The following SCAPER variants were observed in gnomAD, a reference collection of about 807,000 sequenced individuals.
SCAPER encodes S phase cyclin A-associated protein in the endoplasmic reticulum.
Under a neutral mutation model 182.2 loss-of-function variants are expected in SCAPER, and 98 were observed. That is an observed-to-expected ratio of 0.54 (90% CI 0.46 to 0.64). SCAPER has a LOEUF of 0.64. Among genes scored for constraint, SCAPER ranks in the 30% least tolerant of loss-of-function variants. The pLI, the probability that SCAPER is intolerant of heterozygous loss-of-function variation, is 0.00. For missense variants in SCAPER, 1,432 were observed against 1,690.0 expected (o/e 0.85, Z 2.68); for synonymous variants, 605 against 564.6 (o/e 1.07, Z -1.01).
Position 76,679,727 on chromosome 15 carries a change from C to A in SCAPER, c.2509-13938G>T, listed in dbSNP as rs563039394. ...GTTCACCATCTGTCCCCTCACCACT[C>A]AGTGACAATTACAAATACTCCATCA... is the stretch of plus-strand genomic sequence containing the variant. On this transcript the variant is annotated intron_variant, in intron 20 of 31. Transcript: ENST00000563290. 5.3e-5 allele frequency among the ~76,000 whole-genome samples: 8 copies of A among 150,744 alleles called. 1 individual carries two copies. In the South Asian group the frequency reaches 1.7e-3, roughly 32 times the overall value.
At chr15:76,661,429 A>G (rs2056154525) in intron 21 of SCAPER, among the ~76,000 whole-genome samples, 1 of 152,350 alleles carries the variant, frequency 6.6e-6, no homozygotes, top group East Asian at 1.9e-4. Context: ...CAATCTACCC[A>G]TCTGACAAAG....
intron 26 of SCAPER, among the ~76,000 whole-genome samples, chr15:76,428,387 G>A (rs2046588000): frequency 6.6e-6 from 1 of 152,152 alleles, no homozygotes; most frequent in Non-Finnish European, 1.5e-5. Context: ...GACAAAGTGT[G>A]TTATACACAC....
intron 25 of SCAPER, among the ~76,000 whole-genome samples, chr15:76,461,067 G>T (rs1017419733): frequency 2.0e-5 from 3 of 152,000 alleles, no homozygotes; most frequent in African/African-American, 7.2e-5. Flanking sequence ...ATGTTTTTCA[G>T]TCTTTATATT....
chr15:76,461,330 C>CT lies in SCAPER; in HGVS notation c.3078+9881dup, dbSNP rs58709477. Among the ~76,000 whole-genome samples, 350 of 143,220 alleles carry CT rather than the reference C, an allele frequency of 2.4e-3. 2 individuals are homozygous for CT. The highest frequency in any genetic ancestry group is 4.7e-3 in the African/African-American group (183 of 38,762). The allele number at this position is 143,220 out of a possible 152,430, so 94.0% of individuals were successfully genotyped here. A position where few individuals can be genotyped will look rare whatever the true frequency, so the allele number is the denominator to read the frequency against. ...TCACTGTGAAGTTACTATTACCCAA[C>CT]TTTTTTTTTTTTTTTACAAAAAAGA... On this transcript the variant is annotated intron_variant, in intron 25 of 31. Coordinates refer to ENST00000563290, the MANE Select transcript of SCAPER (RefSeq NM_020843.4).
chr15:76,637,650 G>C (rs2053714979), intron 21 of SCAPER, among the ~76,000 whole-genome samples: 1 of 150,864 alleles, frequency 6.6e-6, no homozygotes, highest in East Asian at 1.9e-4. Flanking sequence ...AGATTACAGT[G>C]AACTATGATG....
chr15:76,354,102 C>CT lies in SCAPER; in HGVS notation c.3893dup (p.Lys1299GlufsTer12). 1 of 1,610,340 alleles carries CT rather than the reference C, an allele frequency of 6.2e-7. No individual in the cohort carries two copies. Among genetic ancestry groups the CT allele is most frequent in the Non-Finnish European group, 8.5e-7 (1 of 1,178,736 alleles). The stretch of plus-strand genomic sequence containing the variant: ...ACTGGAAGGGCAACTGGCAGAGCTT[C>CT]TGCAGCACTGTGGGGTGGCGGCCGG... On this transcript the variant is annotated frameshift_variant, in exon 30 of 32. Transcript: ENST00000563290. LOFTEE classifies it high-confidence loss of function. This position sits in a 1 kb window ranked among gnomAD's most constrained non-coding sequence, Gnocchi z 4.4.
chr15:76,894,288 T>C (rs964620648), intron 1 of SCAPER, among the ~76,000 whole-genome samples: 2 of 151,522 alleles, frequency 1.3e-5, no homozygotes, highest in Admixed American at 1.3e-4. Flanking sequence ...CAGCCTCACA[T>C]GATGTGAACA....
intron 25 of SCAPER, among the ~76,000 whole-genome samples, chr15:76,461,263 T>A (rs946149520): frequency 1.3e-5 from 2 of 152,070 alleles, no homozygotes; most frequent in East Asian, 1.9e-4. Flanking sequence ...AGTAGTGATG[T>A]TAGTTTTGAT....
chr15:76,572,039 C>G (rs987998298), intron 23 of SCAPER, among the ~76,000 whole-genome samples: 1 of 152,148 alleles, frequency 6.6e-6, no homozygotes, highest in African/African-American at 2.4e-5. Context: ...CAGCAAGTTT[C>G]TGACACAGAC....
At chr15:76,397,202 T>C (rs1232074459) in intron 27 of SCAPER, among the ~76,000 whole-genome samples, 1 of 152,156 alleles carries the variant, frequency 6.6e-6, no homozygotes, top group Non-Finnish European at 1.5e-5. Flanking sequence ...ATGAATGATC[T>C]TTTTTGCTGA....
intron 2 of SCAPER, among the ~76,000 whole-genome samples, chr15:76,871,815 T>C (rs950921195): frequency 6.6e-6 from 1 of 151,966 alleles, no homozygotes; most frequent in African/African-American, 2.4e-5. Flanking sequence ...GGTCTCAAAC[T>C]CCTGACCTCA....
intron 4 of SCAPER, among the ~76,000 whole-genome samples, chr15:76,852,279 T>C (rs980978915): frequency 1.3e-5 from 2 of 152,144 alleles, no homozygotes; most frequent in East Asian, 1.9e-4. Flanking sequence ...TGTTAGATCG[T>C]CAAGACAGAA....
intron 1 of SCAPER, among the ~76,000 whole-genome samples, chr15:76,896,698 C>T (rs924080426): frequency 5.9e-5 from 9 of 151,980 alleles, no homozygotes; most frequent in South Asian, 2.1e-4. Context: ...GCAGGCAGAC[C>T]GCCTTGAGTC....
intron 1 of SCAPER, among the ~76,000 whole-genome samples, chr15:76,901,926 A>G (rs974973450): frequency 6.6e-6 from 1 of 152,088 alleles, no homozygotes; most frequent in Non-Finnish European, 1.5e-5. Flanking sequence ...TCACCGTGTT[A>G]GCCAGGATGG....
At chr15:76,800,162 T>TTTTTTTTTTTTTTTG (rs1555610080) in intron 7 of SCAPER, 86 bp downstream of exon 7, 1 of 733,232 alleles carries the variant, frequency 1.4e-6, no homozygotes, top group Admixed American at 2.6e-5. Flanking sequence ...GATATTTTTA[T>TTTTTTTTTTTTTTTG]AGTAGAATAT....
At chr15:76,369,472 C>A (rs1438080437) in intron 29 of SCAPER, among the ~76,000 whole-genome samples, 1 of 152,192 alleles carries the variant, frequency 6.6e-6, no homozygotes, top group Non-Finnish European at 1.5e-5. Context: ...CTGGGCTCTG[C>A]CAATTCTCGC....
At chr15:76,650,750 C>T (rs1241238400) in intron 21 of SCAPER, among the ~76,000 whole-genome samples, 1 of 151,938 alleles carries the variant, frequency 6.6e-6, no homozygotes, top group Non-Finnish European at 1.5e-5. Context: ...GCAATATTGT[C>T]CAAGGCAGAC....
At chr15:76,692,928 T>C (rs11072616) in intron 20 of SCAPER, among the ~76,000 whole-genome samples, 50,289 of 151,722 alleles carry the variant, frequency 0.33, 8,591 homozygotes, top group East Asian at 0.55. Context: ...AAAAATGAAA[T>C]GATCAAGAAA....
Position 76,839,015 on chromosome 15 carries a change from G to A in SCAPER, c.393+2719C>T, listed in dbSNP as rs2069199548. 2.0e-5 allele frequency among the ~76,000 whole-genome samples: 3 copies of A among 152,346 alleles called. No homozygotes were observed. The South Asian group carries it at 6.2e-4, about 32-fold the overall frequency. ...AGAGCAAGGGAAATGTAGGGGTGATGCTTAGAGTTTTGCTGGAACGTCAGT... is the reference window on the plus strand; with the variant it reads ...AGAGCAAGGGAAATGTAGGGGTGATACTTAGAGTTTTGCTGGAACGTCAGT... On this transcript the variant is annotated intron_variant, in intron 5 of 31. Coordinates refer to ENST00000563290, the MANE Select transcript of SCAPER (RefSeq NM_020843.4).
Sources: gnomAD v4.1 joint callset for allele counts (sites outside exome capture counted in the v4.1 genomes callset) on GRCh38, gnomAD v4.1.1 for gene constraint, Gnocchi (gnomAD v3.1) non-coding constraint, MANE v1.5 for transcripts, NCBI Gene and HGNC (gene_info 2026-07-23, HGNC 2026-07-21) for gene names.